Variants in ATF7IP observed in about 807,000 individuals in gnomAD.
ATF7IP encodes activating transcription factor 7-interacting protein 1.
In ATF7IP, 23 loss-of-function variants were observed where a neutral mutation model predicts 106.4. That is an observed-to-expected ratio of 0.22 (90% confidence interval 0.16 to 0.31). The LOEUF is 0.31. Among genes scored for constraint, ATF7IP ranks in the 10% least tolerant of loss-of-function variants. The probability of loss-of-function intolerance (pLI) is 1.00; values close to 1 mark genes in which losing one functional copy is unlikely to be tolerated. For missense variants in ATF7IP, 1,334 were observed against 1,524.3 expected, an observed-to-expected ratio of 0.88 and a Z score of 2.08; for synonymous variants, 542 against 539.0, an observed-to-expected ratio of 1.01 and a Z score of -0.08.
intron 1 of ATF7IP, chr12:14,367,180 A>G (rs906009525): frequency 5.3e-5 from 8 of 152,146 alleles, no homozygotes; most frequent in African/African-American, 1.9e-4. Context: ...TTAAGTTTGA[A>G]TCAGTCTACT....
At chr12:14,404,239 A>G (rs1474834588) in intron 1 of ATF7IP, among the ~76,000 whole-genome samples, 1 of 152,056 alleles carries the variant, frequency 6.6e-6, no homozygotes, top group Non-Finnish European at 1.5e-5. Context: ...GTAGAAAAAT[A>G]TCCATATATT....
chr12:14,486,937 T>G (rs1302514540), intron 13 of ATF7IP, among the ~76,000 whole-genome samples: 1 of 152,148 alleles, frequency 6.6e-6, no homozygotes, highest in Non-Finnish European at 1.5e-5. Flanking sequence ...CAAGGGTATA[T>G]CTTCTGGACC....
chr12:14,452,690 T>G (rs1377494962), intron 6 of ATF7IP, among the ~76,000 whole-genome samples: 2 of 152,136 alleles, frequency 1.3e-5, no homozygotes, highest in Non-Finnish European at 2.9e-5. Flanking sequence ...TGTTAACATA[T>G]TTTTAGTTTT....
At chr12:14,425,630 A>G (rs1219040566) in intron 2 of ATF7IP, among the ~76,000 whole-genome samples, 157 bp downstream of exon 2, 4 of 152,194 alleles carry the variant, frequency 2.6e-5, no homozygotes, top group African/African-American at 9.7e-5. Flanking sequence ...AGAATTCAGA[A>G]TTAGTGTGTG....
At position 14,460,512 on chromosome 12, in the gene ATF7IP, G is replaced by T. The variant is rs1943596590; in HGVS notation, c.2176G>T (p.Val726Phe). Residue 726 changes from valine (V) to phenylalanine (F), a missense_variant, in exon 9 of 15, where the codon GTC becomes TTC. Physicochemically the swap from Val to Phe is conservative, Grantham distance 50. Transcript: ENST00000261168. Reference sequence around the variant, plus strand: ...TTCTATAGTATCTTCAACCAATCTTGTCACTCCTCCAGCAGTTGTCAGTAG... The same window carrying T: ...TTCTATAGTATCTTCAACCAATCTTTTCACTCCTCCAGCAGTTGTCAGTAG... Reference protein sequence around the residue: ...PVNTVSSTNLVTPPAVVSSQP... With the variant: ...PVNTVSSTNLFTPPAVVSSQP... 6.2e-7 allele frequency: 1 copy of T among 1,613,288 alleles called. No individual in the cohort carries two copies. The highest frequency in any genetic ancestry group is 8.5e-7 in the Non-Finnish European group (1 of 1,179,472).
chr12:14,388,338 C>T (rs1939360540), intron 1 of ATF7IP, among the ~76,000 whole-genome samples: 1 of 151,692 alleles, frequency 6.6e-6, no homozygotes, highest in Non-Finnish European at 1.5e-5. Flanking sequence ...GCGTGAGCCA[C>T]TGTGCCCTGC....
In ATF7IP at chr12:14,502,447, ACTTTT is replaced by A. The variant is rs1335865663; in HGVS notation, c.*4379_*4383del. 2 of 152,084 alleles carry A rather than the reference ACTTTT, an allele frequency of 1.3e-5. No homozygotes were observed. Among genetic ancestry groups the A allele is most frequent in the African/African-American group, 4.8e-5 (2 of 41,422 alleles). 9.4% of individuals were successfully genotyped at this position (152,084 alleles called of 1,614,324 possible). Reference sequence around the variant, plus strand: ...CAAATAATTTACCATGTTAAAATAAACTTTTCTTTGTTTTTTATTTGTAGAGTCAG... The same window carrying A: ...CAAATAATTTACCATGTTAAAATAAACTTTGTTTTTTATTTGTAGAGTCAG... On this transcript the variant is annotated 3_prime_UTR_variant, in exon 15 of 15. Coordinates refer to ENST00000261168, the MANE Select transcript of ATF7IP (RefSeq NM_018179.5).
Position 14,424,077 on chromosome 12 carries a change from C to G in ATF7IP, c.162C>G (p.Asp54Glu), listed in dbSNP as rs1458510391. 6.2e-7 allele frequency: 1 copy of G among 1,614,026 alleles called. No homozygotes were observed. Reference sequence around the variant, plus strand: ...GCAACCATGAAAATGGAGATTTGGACCCAACCTCACCTTTGGAAAACATGG... The same window carrying G: ...GCAACCATGAAAATGGAGATTTGGAGCCAACCTCACCTTTGGAAAACATGG... ...LNGNHENGDL[D>E]PTSPLENMDY... is the part of the protein sequence containing the mutation. The change falls in exon 2 of 15, where the codon GAC (aspartate) becomes GAG (glutamate). Residue 54 changes from aspartate (D) to glutamate (E), a missense_variant. Transcript: ENST00000261168.
intron 10 of ATF7IP, among the ~76,000 whole-genome samples, chr12:14,474,420 A>C (rs1027289682): frequency 7.4e-5 from 9 of 121,794 alleles, no homozygotes; most frequent in African/African-American, 2.9e-4. Context: ...TTTTTTTTTG[A>C]GATGGAGTCT....
chr12:14,440,500 A>G (rs1401593640), intron 5 of ATF7IP, among the ~76,000 whole-genome samples: 1 of 152,104 alleles, frequency 6.6e-6, no homozygotes, highest in Non-Finnish European at 1.5e-5. Context: ...ATTAATGTTT[A>G]TTGTATTTTG....
intron 1 of ATF7IP, among the ~76,000 whole-genome samples, chr12:14,414,197 T>G (rs1309972700): frequency 6.6e-6 from 1 of 152,244 alleles, no homozygotes; most frequent in African/African-American, 2.4e-5. Flanking sequence ...TTTATAATTA[T>G]ACTTCTTTAC....
chr12:14,406,604 AAG>A (rs1433839731), intron 1 of ATF7IP, among the ~76,000 whole-genome samples: 1 of 151,142 alleles, frequency 6.6e-6, no homozygotes, highest in Non-Finnish European at 1.5e-5. Context: ...AAAAAAAAAA[AAG>A]TAAAATAAGC....
At chr12:14,464,766 TAC>T (rs1195256163) in intron 9 of ATF7IP, among the ~76,000 whole-genome samples, 3 of 152,232 alleles carry the variant, frequency 2.0e-5, no homozygotes, top group Non-Finnish European at 2.9e-5. Flanking sequence ...GGAATATCAT[TAC>T]AGTTTTGTGA....
intron 13 of ATF7IP, chr12:14,481,619 A>G: frequency 2.2e-6 from 1 of 445,224 alleles, no homozygotes; most frequent in African/African-American, 2.0e-5. Flanking sequence ...AGAGTTAAAC[A>G]GAGAAAATTG....
chr12:14,452,036 T>C (rs1943222686), intron 6 of ATF7IP, among the ~76,000 whole-genome samples: 1 of 152,148 alleles, frequency 6.6e-6, no homozygotes, highest in Non-Finnish European at 1.5e-5. Context: ...TTTGGAGCTC[T>C]GATGTAGGGG....
At chr12:14,402,127 C>CTTTTTTTTTTTTTTTT (rs11297116) in intron 1 of ATF7IP, among the ~76,000 whole-genome samples, 2 of 101,870 alleles carry the variant, frequency 2.0e-5, no homozygotes, top group African/African-American at 3.8e-5. Context: ...TTTCTTCTTT[C>CTTTTTTTTTTTTTTTT]TTTTTTTTTT....
chr12:14,425,609 CTT>C, intron 2 of ATF7IP, 136 bp downstream of exon 2: 2 of 852,040 alleles, frequency 2.3e-6, no homozygotes, highest in Non-Finnish European at 3.4e-6. Flanking sequence ...AGAAAGATGT[CTT>C]AACTTCATAG....
At chr12:14,459,608 T>G (rs1943563216) in intron 8 of ATF7IP, among the ~76,000 whole-genome samples, 1 of 152,208 alleles carries the variant, frequency 6.6e-6, no homozygotes, top group Non-Finnish European at 1.5e-5. Context: ...AATGTCTCAT[T>G]GTTATGAAAA....
Position 14,393,214 on chromosome 12 carries a change from G to A in ATF7IP, c.-8+27387G>A, listed in dbSNP as rs937740036. 8.9e-4 allele frequency among the ~76,000 whole-genome samples: 136 copies of A among 152,264 alleles called. 2 individuals carry two copies. The highest frequency in any genetic ancestry group is 3.2e-3 in the African/African-American group (135 of 41,582). On this transcript the variant is annotated intron_variant, in intron 1 of 14. Transcript: ENST00000261168. ...GTTGGATGCATGATACAGGTAGGAA[G>A]AGAACAAAATTAAAACTGTAAGGTA...
Sources: gnomAD v4.1 joint callset for allele counts (sites outside exome capture counted in the v4.1 genomes callset) on GRCh38, gnomAD v4.1.1 for gene constraint, MANE v1.5 for transcripts, NCBI Gene and HGNC (gene_info 2026-07-23, HGNC 2026-07-21) for gene names.